Variants in GABRB1 observed in about 807,000 individuals in gnomAD.
GABRB1 encodes gamma-aminobutyric acid type A receptor subunit beta1.
Under a neutral mutation model 51.6 loss-of-function variants are expected in GABRB1, and 17 were observed. The ratio of observed to expected loss-of-function variants is 0.33; its 90% CI spans 0.23 to 0.49. GABRB1 has a LOEUF of 0.49. Among genes scored for constraint, GABRB1 ranks in the 20% least tolerant of loss-of-function variants. The pLI, the probability that GABRB1 is intolerant of heterozygous loss-of-function variation, is 0.99. For synonymous variants in GABRB1, 247 were observed against 218.9 expected (o/e 1.13, Z -1.14); for missense variants, 410 against 600.6 (o/e 0.68, Z 3.32).
intron 4 of GABRB1, among the ~76,000 whole-genome samples, chr4:47,293,893 T>C (rs142938044): frequency 3.9e-5 from 6 of 152,308 alleles, no homozygotes; most frequent in Non-Finnish European, 7.3e-5. Context: ...ACATAAGCAT[T>C]TCAGCTGACT....
In GABRB1 at chr4:47,264,334, A is replaced by T. The variant is rs183389213; in HGVS notation, c.462-55793A>T. On this transcript the variant is annotated intron_variant, in intron 4 of 8. Coordinates refer to ENST00000295454, the MANE Select transcript of GABRB1 (RefSeq NM_000812.4). ...TAGAAGAGTTTTATATGCTGAAAAAATAAACCAGAGAATTTGGACTCATGG... is the reference window on the plus strand; with the variant it reads ...TAGAAGAGTTTTATATGCTGAAAAATTAAACCAGAGAATTTGGACTCATGG... Among the ~76,000 whole-genome samples, 14 of 152,328 alleles carry T rather than the reference A, an allele frequency of 9.2e-5. No homozygotes were observed. In the East Asian group the frequency reaches 2.7e-3, roughly 29 times the overall value.
intron 4 of GABRB1, among the ~76,000 whole-genome samples, chr4:47,231,067 A>G (rs1222487909): frequency 6.6e-6 from 1 of 152,140 alleles, no homozygotes; most frequent in Non-Finnish European, 1.5e-5. Flanking sequence ...ATAAGAGTCA[A>G]AATGCTGATT....
chr4:47,112,912 A>T (rs933567831), intron 3 of GABRB1, among the ~76,000 whole-genome samples: 4 of 152,108 alleles, frequency 2.6e-5, no homozygotes, highest in Non-Finnish European at 5.9e-5. Context: ...CTATCTCTAA[A>T]TCTATATTTC....
At chr4:47,197,155 A>G (rs10002370) in intron 4 of GABRB1, among the ~76,000 whole-genome samples, 129,334 of 152,212 alleles carry the variant, frequency 0.85, 54,923 homozygotes, top group Middle Eastern at 0.92. Flanking sequence ...GAGAATGGCT[A>G]GAGTTCCCTC....
At chr4:47,039,001 T>C (rs1172796730) in intron 3 of GABRB1, among the ~76,000 whole-genome samples, 1 of 152,168 alleles carries the variant, frequency 6.6e-6, no homozygotes, top group East Asian at 1.9e-4. Flanking sequence ...ATGAAGTTCC[T>C]TGACTTCTAT....
intron 1 of GABRB1, among the ~76,000 whole-genome samples, chr4:47,006,485 T>C (rs11941209): frequency 0.56 from 84,481 of 152,036 alleles, 23,866 homozygotes; most frequent in Non-Finnish European, 0.6. Context: ...TAATATGTCT[T>C]ATAACATGAA....
chr4:47,167,094 A>G (rs1173872387), intron 4 of GABRB1, among the ~76,000 whole-genome samples: 1 of 152,146 alleles, frequency 6.6e-6, no homozygotes, highest in East Asian at 1.9e-4. Context: ...CTCAAACCAA[A>G]TAGATGCCCA....
At chr4:47,003,848 A>G (rs1037469448) in intron 1 of GABRB1, among the ~76,000 whole-genome samples, 1 of 152,216 alleles carries the variant, frequency 6.6e-6, no homozygotes, top group African/African-American at 2.4e-5. Flanking sequence ...TTGGGCTTTG[A>G]ACCTAAAATG....
intron 1 of GABRB1, among the ~76,000 whole-genome samples, chr4:47,006,291 G>A (rs1724396252): frequency 6.6e-6 from 1 of 151,908 alleles, no homozygotes; most frequent in East Asian, 1.9e-4. Context: ...AAACAGTTGG[G>A]CTCTTGGGAA....
chr4:47,004,094 T>C (rs1724310945), intron 1 of GABRB1, among the ~76,000 whole-genome samples: 1 of 152,066 alleles, frequency 6.6e-6, no homozygotes. Flanking sequence ...GTTCAAGCGG[T>C]TCCCCTGCCT....
intron 4 of GABRB1, among the ~76,000 whole-genome samples, chr4:47,168,436 C>T (rs1025484225): frequency 5.3e-5 from 8 of 152,092 alleles, no homozygotes. Flanking sequence ...TTTTAGCCCC[C>T]CTTGTAAATT....
chr4:47,160,688 C>T (rs112146230), intron 3 of GABRB1, among the ~76,000 whole-genome samples: 157 of 152,124 alleles, frequency 1.0e-3, no homozygotes, highest in African/African-American at 3.3e-3. Flanking sequence ...AATTCAATTA[C>T]ATCTATTTGC....
intron 4 of GABRB1, among the ~76,000 whole-genome samples, chr4:47,195,094 C>T (rs1342542412): frequency 6.6e-6 from 1 of 152,076 alleles, no homozygotes; most frequent in Non-Finnish European, 1.5e-5. Flanking sequence ...GGGCCGGGCC[C>T]GGTGGCTCAT....
intron 5 of GABRB1, among the ~76,000 whole-genome samples, chr4:47,362,911 A>G (rs191685890): frequency 7.9e-5 from 12 of 152,278 alleles, no homozygotes; most frequent in Non-Finnish European, 1.5e-4. Context: ...ATGTGTAAAC[A>G]GATACTGCTA....
At chr4:47,157,669 A>G (rs1259949833) in intron 3 of GABRB1, among the ~76,000 whole-genome samples, 2 of 152,136 alleles carry the variant, frequency 1.3e-5, no homozygotes, top group South Asian at 4.1e-4. Flanking sequence ...AATTATTGTC[A>G]TACATGTGGC....
chr4:47,223,022 C>T lies in GABRB1; in HGVS notation c.461+61553C>T, dbSNP rs549338153. 7.7e-4 allele frequency among the ~76,000 whole-genome samples: 117 copies of T among 152,130 alleles called. 1 individual carries two copies. The highest frequency in any genetic ancestry group is 1.6e-3 in the Non-Finnish European group (107 of 67,984). On this transcript the variant is annotated intron_variant, in intron 4 of 8. Coordinates refer to ENST00000295454, the MANE Select transcript of GABRB1 (RefSeq NM_000812.4). ...TAAGCTCCTTTTAAGCATTGTAGTA[C>T]CCCAGGTTCTTCATAGTCCAGCAAA...
At chr4:47,026,551 C>T (rs978330692) in intron 1 of GABRB1, among the ~76,000 whole-genome samples, 1 of 151,864 alleles carries the variant, frequency 6.6e-6, no homozygotes, top group African/African-American at 2.4e-5. Flanking sequence ...AATATATTAC[C>T]GGTAACAGGC....
chr4:47,122,385 G>A (rs1577926733), intron 3 of GABRB1, among the ~76,000 whole-genome samples: 1 of 151,972 alleles, frequency 6.6e-6, no homozygotes, highest in Non-Finnish European at 1.5e-5. Flanking sequence ...TATCAGTTAA[G>A]GTCCAATAAG....
intron 4 of GABRB1, among the ~76,000 whole-genome samples, chr4:47,172,380 A>G (rs1170195030): frequency 6.6e-6 from 1 of 152,166 alleles, no homozygotes; most frequent in Non-Finnish European, 1.5e-5. Context: ...AACAACAAGT[A>G]CCATATTTAC....
Sources: allele counts gnomAD v4.1 joint callset (sites outside exome capture counted in the v4.1 genomes callset), GRCh38; gene constraint gnomAD v4.1.1; transcripts MANE v1.5; gene names NCBI Gene and HGNC (gene_info 2026-07-23, HGNC 2026-07-21).